ZNF365: variants seen among roughly 807,000 people sequenced by gnomAD.
The protein encoded by ZNF365 is protein ZNF365.
A neutral mutation model predicts 35.0 loss-of-function variants in ZNF365; 22 were observed. The observed-to-expected ratio is 0.63, with a 90% CI of 0.45 to 0.90. The LOEUF (loss-of-function observed/expected upper bound fraction) is 0.90, where lower values mean the gene tolerates loss of function less well. ZNF365 is among the 40% of genes least tolerant of loss of function. The probability of loss-of-function intolerance (pLI) is 0.00; values close to 1 mark genes in which losing one functional copy is unlikely to be tolerated. For synonymous variants in ZNF365, 188 were observed against 196.2 expected (o/e 0.96, Z 0.35); for missense variants, 448 against 500.3 (o/e 0.90, Z 1.00).
chr10:62,406,308 T>A (rs1336176331), downstream of ZNF365, among the ~76,000 whole-genome samples: 1 of 152,172 alleles, frequency 6.6e-6, no homozygotes, highest in Non-Finnish European at 1.5e-5. Context: ...AGATTTGAGA[T>A]CAATTGTCAC....
At chr10:62,395,504 ATT>A (rs67866839) in intron 3 of ZNF365, among the ~76,000 whole-genome samples, 3,121 of 98,560 alleles carry the variant, frequency 0.032, 27 homozygotes, top group Middle Eastern at 0.054. Flanking sequence ...CACCCGGCTA[ATT>A]TTTTTTTTTT....
At position 62,376,670 on chromosome 10, in the gene ZNF365, A is replaced by T. The variant is rs375824552; in HGVS notation, c.477A>T (p.Ala159=). 8 of 1,614,068 alleles carry T rather than the reference A, an allele frequency of 5.0e-6. No individual in the cohort carries two copies. In the African/African-American group the frequency reaches 1.1e-4, roughly 22 times the overall value. ...CAGACACCAAAGCTTCTTTCGAGGC[A>T]CATGTCAGAGAAAAATTCAATCGAA... ...PTSDTKASFE[A]HVREKFNRMV... is the part of the protein sequence containing the mutation. The change falls in exon 2 of 5, where the codon GCA becomes GCT. Residue 159 remains alanine, a synonymous_variant. Coordinates refer to ENST00000395254, the MANE Select transcript of ZNF365 (RefSeq NM_014951.3).
intron 3 of ZNF365, among the ~76,000 whole-genome samples, chr10:62,430,337 C>T (rs1000613033): frequency 1.3e-5 from 2 of 150,938 alleles, no homozygotes; most frequent in African/African-American, 4.9e-5. Flanking sequence ...CCCGCCACCA[C>T]GCCCGGCTAA....
intron 2 of ZNF365, among the ~76,000 whole-genome samples, chr10:62,386,841 A>T (rs185733446): frequency 3.9e-4 from 60 of 152,212 alleles, no homozygotes; most frequent in African/African-American, 1.4e-3. Flanking sequence ...GGTTGAGAAG[A>T]TGTAGAGAAG....
At chr10:62,424,255 T>C (rs1840218061) in intron 3 of ZNF365, among the ~76,000 whole-genome samples, 1 of 152,182 alleles carries the variant, frequency 6.6e-6, no homozygotes, top group Non-Finnish European at 1.5e-5. Flanking sequence ...CACTTAATGT[T>C]CTTTTTGTAA....
chr10:62,386,673 G>A (rs1839531509), intron 2 of ZNF365, among the ~76,000 whole-genome samples: 1 of 152,156 alleles, frequency 6.6e-6, no homozygotes, highest in South Asian at 2.1e-4. Flanking sequence ...TTGTAAAAGT[G>A]GCACACTGAC....
chr10:62,409,460 C>G (rs1021727499), intron 3 of ZNF365, among the ~76,000 whole-genome samples: 2 of 152,090 alleles, frequency 1.3e-5, no homozygotes, highest in Non-Finnish European at 2.9e-5. Flanking sequence ...AACTAAGAAC[C>G]CTGATGAATA....
intron 3 of ZNF365, among the ~76,000 whole-genome samples, chr10:62,428,715 G>C (rs572464192): frequency 6.6e-6 from 1 of 152,230 alleles, no homozygotes; most frequent in Non-Finnish European, 1.5e-5. Flanking sequence ...GGGTTGGTGG[G>C]GTGAAACCCA....
intron 2 of ZNF365, among the ~76,000 whole-genome samples, chr10:62,386,099 A>G (rs1382432832): frequency 6.6e-6 from 1 of 152,178 alleles, no homozygotes; most frequent in East Asian, 1.9e-4. Context: ...TATTTCCAGA[A>G]TACTCCATCC....
chr10:62,403,519 G>A (rs190685289), downstream of ZNF365, among the ~76,000 whole-genome samples: 1,671 of 152,210 alleles, frequency 0.011, 42 homozygotes, highest in African/African-American at 0.038. Flanking sequence ...TTAGCCGGGC[G>A]CAGTGGCGGG....
At chr10:62,452,802 C>A (rs1840704578) in intron 3 of ZNF365, among the ~76,000 whole-genome samples, 1 of 152,232 alleles carries the variant, frequency 6.6e-6, no homozygotes, top group African/African-American at 2.4e-5. Context: ...AAGCACTGGT[C>A]ATGTTAGTAG....
Position 62,388,568 on chromosome 10 carries a change from G to A in ZNF365, c.916G>A (p.Gly306Arg), listed in dbSNP as rs763271481. 6.8e-6 allele frequency: 11 copies of A among 1,613,640 alleles called. No homozygotes were observed. Among genetic ancestry groups the A allele is most frequent in the South Asian group, 2.2e-5 (2 of 91,078 alleles). ...QASGFVRDLS[G>R]HVLTDISSNR... ...CTCTGGCTTTGTCCGTGATCTCAGC[G>A]GGCACGTGGTGAGTCACCCCGGGCC... Residue 306 changes from glycine (G) to arginine (R), a missense_variant, in exon 3 of 5, where the codon GGG becomes AGG. Transcript: ENST00000395254.
rs149341380 is a variant in ZNF365, at chr10:62,458,174, G to A, written c.925-1567G>A. On this transcript the variant is annotated intron_variant, in intron 3 of 4. Transcript: ENST00000395255. ...TTTTTGCTCCTCTTTCCATTCCTGA[G>A]TTCTGAATCTGTTCATGTCCAACGT... 3.2e-3 allele frequency among the ~76,000 whole-genome samples: 486 copies of A among 152,218 alleles called. 2 individuals carry two copies. The highest frequency in any genetic ancestry group is 4.8e-3 in the African/African-American group (198 of 41,532).
intron 3 of ZNF365, among the ~76,000 whole-genome samples, chr10:62,448,354 T>TAG (rs1840624265): frequency 6.6e-6 from 1 of 152,178 alleles, no homozygotes; most frequent in South Asian, 2.1e-4. Context: ...AATGTGAGCC[T>TAG]AGAGTGGGGG....
intron 3 of ZNF365, among the ~76,000 whole-genome samples, chr10:62,422,326 C>G (rs1248824227): frequency 1.3e-5 from 2 of 152,164 alleles, no homozygotes; most frequent in Non-Finnish European, 2.9e-5. Flanking sequence ...ACACCCTCAT[C>G]ATTAAGGAGG....
chr10:62,435,626 G>C (rs997496652), intron 3 of ZNF365, among the ~76,000 whole-genome samples: 3 of 152,088 alleles, frequency 2.0e-5, no homozygotes, highest in African/African-American at 4.8e-5. Flanking sequence ...TCCCAATCAA[G>C]GGAGATCTAT....
At chr10:62,399,341 C>G (rs1177465717) in intron 4 of ZNF365, among the ~76,000 whole-genome samples, 187 bp from the exon 5 acceptor site, 1 of 152,196 alleles carries the variant, frequency 6.6e-6, no homozygotes, top group East Asian at 1.9e-4. Flanking sequence ...ACCATGTGAT[C>G]TTTTCATGGC....
chr10:62,442,995 C>G (rs1202950914), intron 3 of ZNF365, among the ~76,000 whole-genome samples: 1 of 152,212 alleles, frequency 6.6e-6, no homozygotes, highest in African/African-American at 2.4e-5. Flanking sequence ...CCGTCGCATA[C>G]AGGGATGCAC....
At chr10:62,423,151 G>A (rs1840199958) in intron 3 of ZNF365, among the ~76,000 whole-genome samples, 1 of 151,696 alleles carries the variant, frequency 6.6e-6, no homozygotes, top group African/African-American at 2.4e-5. Context: ...GTGTTCTGTA[G>A]CATGTCACTA....
Sources: gnomAD v4.1 joint callset for allele counts (sites outside exome capture counted in the v4.1 genomes callset) on GRCh38, gnomAD v4.1.1 for gene constraint, MANE v1.5 for transcripts, NCBI Gene and HGNC (gene_info 2026-07-23, HGNC 2026-07-21) for gene names.